The following PCDHA9 variants were observed in gnomAD, a reference collection of about 807,000 sequenced individuals.
PCDHA9 encodes the protein protocadherin alpha 9, also known as protocadherin alpha-9.
PCDHA9 carries 62 observed loss-of-function variants against 62.0 expected under a neutral mutation model. The ratio of observed to expected loss-of-function variants is 1.00; its 90% CI spans 0.81 to 1.23. The LOEUF (loss-of-function observed/expected upper bound fraction) is 1.23. Ranked by LOEUF, PCDHA9 falls within the 50% of genes most tolerant of loss-of-function variation. The pLI is 0.00. For missense variants in PCDHA9, 1,205 were observed against 1,249.8 expected, an observed-to-expected ratio of 0.96 and a Z score of 0.54; for synonymous variants, 557 against 567.6, an observed-to-expected ratio of 0.98 and a Z score of 0.27.
intron 1 of PCDHA9, 161 bp downstream of exon 1, chr5:140,851,050 G>T: frequency 7.2e-7 from 1 of 1,384,398 alleles, no homozygotes; most frequent in African/African-American, 1.5e-5. Context: ...AGCCGACTTT[G>T]TCTTGACTTC....
chr5:140,926,780 G>A, intron 1 of PCDHA9: 2 of 1,397,714 alleles, frequency 1.4e-6, no homozygotes, highest in Non-Finnish European at 1.9e-6. Context: ...CAGCAGTGAC[G>A]GCCGGCAGGA....
chr5:140,910,274 G>A (rs1185029668), intron 1 of PCDHA9, among the ~76,000 whole-genome samples: 1 of 152,030 alleles, frequency 6.6e-6, no homozygotes, highest in Non-Finnish European at 1.5e-5. Flanking sequence ...TCACTTCTAG[G>A]AACACCATGA....
chr5:140,968,989 C>T, intron 1 of PCDHA9: 1 of 1,614,234 alleles, frequency 6.2e-7, no homozygotes, highest in Non-Finnish European at 8.5e-7. Flanking sequence ...GCACTGCATG[C>T]TGTGGAGGCT....
At chr5:140,856,776 G>A in intron 1 of PCDHA9, 1 of 1,596,678 alleles carries the variant, frequency 6.3e-7, no homozygotes, top group Non-Finnish European at 8.6e-7. Context: ...ATCTTTGACA[G>A]ACCGGTTTAT....
chr5:140,974,440 C>T (rs782138345), intron 1 of PCDHA9, among the ~76,000 whole-genome samples: 7 of 152,182 alleles, frequency 4.6e-5, no homozygotes, highest in Admixed American at 1.3e-4. Context: ...TGTAAATTAG[C>T]ATTTTAAATG....
chr5:140,972,479 C>T (rs782631191), intron 1 of PCDHA9, among the ~76,000 whole-genome samples: 1 of 151,994 alleles, frequency 6.6e-6, no homozygotes, highest in Non-Finnish European at 1.5e-5. Flanking sequence ...CAGCATTTAA[C>T]CCCAGACTCT....
intron 3 of PCDHA9, among the ~76,000 whole-genome samples, chr5:140,999,739 T>C (rs2097873545): frequency 6.6e-6 from 1 of 152,196 alleles, no homozygotes; most frequent in Admixed American, 6.5e-5. Flanking sequence ...AATGTTTGAA[T>C]CTGGGTTCGC....
intron 1 of PCDHA9, among the ~76,000 whole-genome samples, chr5:140,879,240 C>T (rs1266442175): frequency 6.6e-6 from 1 of 152,134 alleles, no homozygotes; most frequent in Non-Finnish European, 1.5e-5. Flanking sequence ...ACAAGAGGCA[C>T]TGGCAAAGTA....
intron 1 of PCDHA9, chr5:140,927,896 A>T: frequency 1.2e-6 from 2 of 1,614,200 alleles, no homozygotes; most frequent in Non-Finnish European, 1.7e-6. Flanking sequence ...GACGTGAACG[A>T]TCATGCCCCC....
intron 2 of PCDHA9, among the ~76,000 whole-genome samples, chr5:140,979,725 G>A (rs2096861699): frequency 6.6e-6 from 1 of 152,136 alleles, no homozygotes; most frequent in South Asian, 2.1e-4. Context: ...CCATGCCATG[G>A]GGCCAAATAA....
In PCDHA9 at chr5:140,877,704, C is replaced by T. The variant is rs116613760; in HGVS notation, c.2394+26815C>T. 1.6e-3 allele frequency: 2,639 copies of T among 1,613,952 alleles called. 39 individuals are homozygous for T. The African/African-American group carries it at 0.027, about 17-fold the overall frequency. On this transcript the variant is annotated intron_variant, in intron 1 of 3. Coordinates refer to ENST00000532602, the MANE Select transcript of PCDHA9 (RefSeq NM_031857.2). ...AGCCCACGCTGGTGTGCTCCAGCGC[C>T]GTGGGGAGTTGGTCTTACTCGCAGC...
At chr5:140,920,859 C>T in intron 1 of PCDHA9, among the ~76,000 whole-genome samples, 1 of 142,452 alleles carries the variant, frequency 7.0e-6, no homozygotes, top group African/African-American at 2.6e-5. Flanking sequence ...AAAAAAAAAA[C>T]AAACAAACTG....
At chr5:140,929,424 A>G in intron 1 of PCDHA9, 1 of 1,496,380 alleles carries the variant, frequency 6.7e-7, no homozygotes, top group East Asian at 2.3e-5. Flanking sequence ...ACATTTCATC[A>G]ATTGAACTAA....
chr5:140,897,214 G>A (rs1355389573), intron 1 of PCDHA9, among the ~76,000 whole-genome samples: 1 of 151,764 alleles, frequency 6.6e-6, no homozygotes, highest in Non-Finnish European at 1.5e-5. Flanking sequence ...TTAAGTTTTA[G>A]GGTACATGTG....
intron 1 of PCDHA9, among the ~76,000 whole-genome samples, chr5:140,945,123 A>G (rs1421068345): frequency 2.0e-5 from 3 of 152,190 alleles, no homozygotes; most frequent in African/African-American, 4.8e-5. Context: ...TAAAAAATCA[A>G]CTTACAAAAA....
At chr5:140,992,533 C>T (rs1292844643) in intron 3 of PCDHA9, among the ~76,000 whole-genome samples, 1 of 152,188 alleles carries the variant, frequency 6.6e-6, no homozygotes, top group Non-Finnish European at 1.5e-5. Context: ...GGAAAAGTCA[C>T]TGTCACAAGT....
intron 2 of PCDHA9, among the ~76,000 whole-genome samples, chr5:140,981,130 CAA>C (rs1267278229): frequency 6.6e-6 from 1 of 152,186 alleles, no homozygotes; most frequent in East Asian, 1.9e-4. Flanking sequence ...TGTTTGAAGT[CAA>C]AGAGTGAGAA....
intron 1 of PCDHA9, among the ~76,000 whole-genome samples, chr5:140,910,538 AT>A: frequency 6.6e-6 from 1 of 152,180 alleles, no homozygotes; most frequent in Non-Finnish European, 1.5e-5. Context: ...TCACAAATCT[AT>A]TTTGCAAAGT....
intron 1 of PCDHA9, among the ~76,000 whole-genome samples, chr5:140,908,385 G>A (rs1318647483): frequency 6.6e-6 from 1 of 152,222 alleles, no homozygotes. Context: ...GCTCGAGCCC[G>A]ATCACATATA....
Sources: gnomAD v4.1 joint callset for allele counts (sites outside exome capture counted in the v4.1 genomes callset) on GRCh38, gnomAD v4.1.1 for gene constraint, MANE v1.5 for transcripts, NCBI Gene and HGNC (gene_info 2026-07-23, HGNC 2026-07-21) for gene names.